The following LGI3 variants were observed in gnomAD, a reference collection of about 807,000 sequenced individuals.
LGI3 encodes the protein leucine-rich repeat LGI family member 3.
A neutral mutation model predicts 55.4 loss-of-function variants in LGI3; 47 were observed. The ratio of observed to expected loss-of-function variants is 0.85; its 90% CI spans 0.67 to 1.08. LGI3 has a LOEUF of 1.08. LGI3 is among the 50% of genes least tolerant of loss of function. The pLI, the probability that LGI3 is intolerant of heterozygous loss-of-function variation, is 0.00. For missense variants in LGI3, 664 were observed against 726.3 expected, an observed-to-expected ratio of 0.91 and a Z score of 0.99; for synonymous variants, 326 against 315.0, an observed-to-expected ratio of 1.04 and a Z score of -0.37.
chr8:22,149,710 C>T (rs1827353512), intron 7 of LGI3, among the ~76,000 whole-genome samples: 1 of 152,142 alleles, frequency 6.6e-6, no homozygotes. Context: ...TCAGCTGCTG[C>T]CCGGCATCTC....
In LGI3 at chr8:22,152,043, G is replaced by A. The variant is rs201330114; in HGVS notation, c.495-43C>T. ...AGGAGGGGGGCACAGAGAAAGACAT[G>A]CTCTCAGGGCTCTGCCTACCCAGGC... On this transcript the variant is annotated intron_variant, in intron 5 of 7. Transcript: ENST00000306317. The A allele has an allele frequency of 2.7e-6, 4 of 1,491,194 alleles. No individual in the cohort carries two copies. The East Asian group carries it at 7.0e-5, about 26-fold the overall frequency. The allele number at this position is 1,491,194 out of a possible 1,614,324, so 92.4% of individuals were successfully genotyped here.
chr8:22,148,995 C>A lies in LGI3; in HGVS notation c.830-18G>T, dbSNP rs1563208260. On this transcript the variant is annotated intron_variant, in intron 7 of 7. Transcript: ENST00000306317. This position sits in a 1 kb window ranked among gnomAD's most constrained non-coding sequence, Gnocchi z 7.0. ...AGAGGGGGCTGTGCCAGGACAGAGG[C>A]AGACAGCATCAGGCAGGCCGGCGGC... The A allele has an allele frequency of 6.3e-7, 1 of 1,577,656 alleles. No homozygotes were observed. The highest frequency in any genetic ancestry group is 8.6e-7 in the Non-Finnish European group (1 of 1,160,030).
chr8:22,156,225 C>A, intron 1 of LGI3, 112 bp downstream of exon 1: 1 of 1,195,098 alleles, frequency 8.4e-7, no homozygotes. Flanking sequence ...CCTGCAGTCC[C>A]CCTGGTCCCC....
chr8:22,156,195 A>T, intron 1 of LGI3, 142 bp downstream of exon 1: 3 of 850,980 alleles, frequency 3.5e-6, no homozygotes, highest in Non-Finnish European at 5.5e-6. Flanking sequence ...TGGTGCCTGG[A>T]ATCTCCAGCC....
intron 3 of LGI3, 35 bp downstream of exon 3, chr8:22,154,525 T>G: frequency 2.5e-6 from 4 of 1,598,492 alleles, no homozygotes; most frequent in Non-Finnish European, 3.4e-6. Flanking sequence ...CCCCCTCCCT[T>G]CTGCTTTCCC....
At position 22,156,410 on chromosome 8, in the gene LGI3, A is replaced by G; in HGVS notation, c.133T>C (p.Cys45Arg). The change falls in exon 1 of 8, where the codon TGC (cysteine) becomes CGC (arginine). Residue 45 changes from cysteine to arginine, a missense_variant. Physicochemically the swap from Cys to Arg is radical, Grantham distance 180. Coordinates refer to ENST00000306317, the MANE Select transcript of LGI3 (RefSeq NM_139278.4). Reference protein sequence around the residue: ...KTPPCPPSCSCTRDTAFCVDS... With the variant: ...KTPPCPPSCSRTRDTAFCVDS... ...ACGCAGAAGGCGGTGTCCCTGGTGC[A>G]AGAGCAGCTGGGCGGGCAGGGGGGC... 1 of 1,596,948 alleles carries G rather than the reference A, an allele frequency of 6.3e-7. No individual in the cohort carries two copies. Among genetic ancestry groups the G allele is most frequent in the African/African-American group, 1.4e-5 (1 of 73,466 alleles).
chr8:22,148,483 A>G lies in LGI3; in HGVS notation c.1324T>C (p.Tyr442His). The change falls in exon 8 of 8, where the codon TAC (tyrosine) becomes CAC (histidine). Residue 442 changes from tyrosine to histidine, a missense_variant. Coordinates refer to ENST00000306317, the MANE Select transcript of LGI3 (RefSeq NM_139278.4). This position sits in a 1 kb window ranked among gnomAD's most constrained non-coding sequence, Gnocchi z 7.0. ...GRDSYLCLSR[Y>H]IGDSKILRWE... ...CGCAGGATCTTGGAGTCGCCAATGT[A>G]GCGGCTGAGGCACAGGTAGCTGTCG... 1 of 1,612,868 alleles carries G rather than the reference A, an allele frequency of 6.2e-7. No individual in the cohort carries two copies. Among genetic ancestry groups the G allele is most frequent in the Non-Finnish European group, 8.5e-7 (1 of 1,179,952 alleles).
intron 5 of LGI3, 40 bp downstream of exon 5, chr8:22,153,928 C>G (rs1467170429): frequency 6.3e-7 from 1 of 1,598,860 alleles, no homozygotes; most frequent in African/African-American, 1.3e-5. Flanking sequence ...GGGATGCGCC[C>G]TCTGCGGCAC....
In LGI3 at chr8:22,148,509, C is replaced by T. The variant is rs113893603; in HGVS notation, c.1298G>A (p.Arg433His). ...GCGGCTGAGGCACAGGTAGCTGTCG[C>T]GGCCGGCACGAAAGTGTTTCACAGC... The part of the protein sequence containing the change: ...AQAVKHFRAG[R>H]DSYLCLSRYI... The change falls in exon 8 of 8, where the codon CGC becomes CAC. Residue 433 changes from arginine (R) to histidine (H), a missense_variant. By Grantham distance (29) the Arg-to-His change is conservative. Coordinates refer to ENST00000306317, the MANE Select transcript of LGI3 (RefSeq NM_139278.4). The surrounding 1 kb of genome is among the most constrained non-coding windows in gnomAD (Gnocchi z 7.0). 112 of 1,613,428 alleles carry T rather than the reference C, an allele frequency of 6.9e-5. 1 individual carries two copies. The African/African-American group carries it at 8.7e-4, about 12-fold the overall frequency.
Position 22,156,663 on chromosome 8 carries a change from G to C in LGI3, c.-121C>G, listed in dbSNP as rs1827511990. 1 of 277,440 alleles carries C rather than the reference G, an allele frequency of 3.6e-6. No homozygotes were observed. Among genetic ancestry groups the C allele is most frequent in the Non-Finnish European group, 6.5e-6 (1 of 154,338 alleles). The allele number at this position is 277,440 out of a possible 1,614,324, so 17.2% of individuals were successfully genotyped here. A position where few individuals can be genotyped will look rare whatever the true frequency, so the allele number is the denominator to read the frequency against. ...ACCGGCAGCTGCTACCGCAGCCAGG[G>C]GCCCGCCTGCGGACTCCTCCTGCCC... On this transcript the variant is annotated 5_prime_UTR_variant, in exon 1 of 8. Transcript: ENST00000306317.
rs915361296 is a variant in LGI3, at chr8:22,154,778, G to A, written c.279-147C>T. 7.8e-6 allele frequency: 5 copies of A among 641,572 alleles called. No homozygotes were observed. In the African/African-American group the frequency reaches 9.0e-5, roughly 12 times the overall value. The allele number at this position is 641,572 out of a possible 1,614,324, so 39.7% of individuals were successfully genotyped here. A position where few individuals can be genotyped will look rare whatever the true frequency, so the allele number is the denominator to read the frequency against. The stretch of plus-strand genomic sequence containing the variant: ...CCCATGGGGAATCCCTGGGCCACCT[G>A]GGCAACAAGGCCAGGCAGGAGCCTG... On this transcript the variant is annotated intron_variant, in intron 2 of 7. Transcript: ENST00000306317.
Position 22,148,315 on chromosome 8 carries a change from C to G in LGI3, c.1492G>C (p.Gly498Arg). 1 of 1,614,172 alleles carries G rather than the reference C, an allele frequency of 6.2e-7. No individual in the cohort carries two copies. Among genetic ancestry groups the G allele is most frequent in the East Asian group, 2.2e-5 (1 of 44,880 alleles). ...TGGAACCGTACAAACTTCTGTCGTC[C>G]CTCATCCCACTGGTAGATCTGGGTG... ...SFTQIYQWDE[G>R]RQKFVRFQEL... is the part of the protein sequence containing the mutation. Residue 498 changes from glycine to arginine, a missense_variant, in exon 8 of 8, where the codon GGA (glycine) becomes CGA (arginine). Coordinates refer to ENST00000306317, the MANE Select transcript of LGI3 (RefSeq NM_139278.4). This position sits in a 1 kb window ranked among gnomAD's most constrained non-coding sequence, Gnocchi z 7.0.
intron 1 of LGI3, 27 bp downstream of exon 1, chr8:22,156,310 C>T (rs776291956): frequency 3.7e-6 from 6 of 1,609,040 alleles, no homozygotes; most frequent in Non-Finnish European, 5.1e-6. Context: ...CCCTCCCCAA[C>T]CCCCAAGGCC....
At chr8:22,155,717 T>C (rs961091956) in intron 1 of LGI3, among the ~76,000 whole-genome samples, 1 of 152,192 alleles carries the variant, frequency 6.6e-6, no homozygotes, top group African/African-American at 2.4e-5. Flanking sequence ...CAAGAAAAGG[T>C]TCCATCACCC....
rs1316460085 is a variant in LGI3, at chr8:22,154,775, C to G, written c.279-144G>C. ...GACCCCATGGGGAATCCCTGGGCCA[C>G]CTGGGCAACAAGGCCAGGCAGGAGC... is the stretch of plus-strand genomic sequence containing the variant. On this transcript the variant is annotated intron_variant, in intron 2 of 7. Transcript: ENST00000306317. 6.1e-6 allele frequency: 4 copies of G among 651,416 alleles called. No homozygotes were observed. In the Admixed American group the frequency reaches 7.0e-5, roughly 11 times the overall value. The allele number at this position is 651,416 out of a possible 1,614,324, so 40.4% of individuals were successfully genotyped here. A position where few individuals can be genotyped will look rare whatever the true frequency, so the allele number is the denominator to read the frequency against.
intron 7 of LGI3, 89 bp downstream of exon 7, chr8:22,151,400 A>T: frequency 2.3e-6 from 3 of 1,284,076 alleles, no homozygotes; most frequent in Non-Finnish European, 3.3e-6. Context: ...CTATCCCTCT[A>T]CCTACAGGAA....
rs2131794480 is a variant in LGI3, at chr8:22,151,657, C to A, written c.665-4G>T. 3.1e-6 allele frequency: 5 copies of A among 1,613,404 alleles called. No homozygotes were observed. In the East Asian group the frequency reaches 6.7e-5, roughly 22 times the overall value. On this transcript the variant is annotated splice_polypyrimidine_tract_variant and splice_region_variant and intron_variant, in intron 6 of 7. Transcript: ENST00000306317. ...AGGGTCTGGTACAACACAAAATCTG[C>A]AAGATGAGAGGTGCGTTACTGAAGA...
At chr8:22,151,336 A>G (rs1827374660) in intron 7 of LGI3, among the ~76,000 whole-genome samples, 153 bp downstream of exon 7, 1 of 152,134 alleles carries the variant, frequency 6.6e-6, no homozygotes, top group Non-Finnish European at 1.5e-5. Flanking sequence ...CGGTGTATAC[A>G]TTGGCCTCTT....
intron 2 of LGI3, 78 bp downstream of exon 2, chr8:22,155,314 C>G (rs1827472736): frequency 1.5e-6 from 2 of 1,357,094 alleles, no homozygotes; most frequent in African/African-American, 1.4e-5. Flanking sequence ...TGTCCACTCT[C>G]CCTCTCCCCA....
Sources: allele counts gnomAD v4.1 joint callset (sites outside exome capture counted in the v4.1 genomes callset), GRCh38; gene constraint gnomAD v4.1.1; non-coding constraint Gnocchi (gnomAD v3.1); transcripts MANE v1.5; gene names NCBI Gene and HGNC (gene_info 2026-07-23, HGNC 2026-07-21).